The following SPIDR variants were observed in gnomAD, a reference collection of about 807,000 sequenced individuals.
SPIDR encodes the protein DNA repair-scaffolding protein.
SPIDR carries 93 observed loss-of-function variants against 104.6 expected under a neutral mutation model. The ratio of observed to expected loss-of-function variants is 0.89; its 90% CI spans 0.75 to 1.06. The LOEUF is 1.06. Among genes scored for constraint, SPIDR ranks in the 50% least tolerant of loss-of-function variants. The pLI is 0.00. For missense variants in SPIDR, 1,154 were observed against 1,111.2 expected, an observed-to-expected ratio of 1.04 and a Z score of -0.55; for synonymous variants, 431 against 416.9, an observed-to-expected ratio of 1.03 and a Z score of -0.41.
At chr8:47,632,468 A>C (rs2067212833) in intron 10 of SPIDR, among the ~76,000 whole-genome samples, 1 of 152,160 alleles carries the variant, frequency 6.6e-6, no homozygotes, top group Non-Finnish European at 1.5e-5. Context: ...AGGTTTCAAA[A>C]TTTGCAAAAA....
At chr8:47,658,763 C>T (rs866443100) in intron 10 of SPIDR, among the ~76,000 whole-genome samples, 17 of 151,804 alleles carry the variant, frequency 1.1e-4, no homozygotes, top group African/African-American at 4.1e-4. Context: ...AGCGAAACCC[C>T]ATCTCTACTA....
At chr8:47,419,876 A>C (rs1206963658) in intron 7 of SPIDR, among the ~76,000 whole-genome samples, 7 of 151,648 alleles carry the variant, frequency 4.6e-5, no homozygotes, top group Non-Finnish European at 8.8e-5. Flanking sequence ...TTCGTTATGT[A>C]CCCAGTAGTC....
At chr8:47,380,235 G>T (rs1479729060) in intron 5 of SPIDR, among the ~76,000 whole-genome samples, 1 of 152,188 alleles carries the variant, frequency 6.6e-6, no homozygotes, top group Non-Finnish European at 1.5e-5. Flanking sequence ...CTGGCAGAAG[G>T]CTCCCTTGCA....
At chr8:47,401,117 A>G (rs1249181863) in intron 6 of SPIDR, among the ~76,000 whole-genome samples, 1 of 152,218 alleles carries the variant, frequency 6.6e-6, no homozygotes, top group Non-Finnish European at 1.5e-5. Flanking sequence ...AGAGAAGCCC[A>G]TCAGACTAAC....
At chr8:47,659,695 C>T (rs112312808) in intron 10 of SPIDR, 15 of 983,452 alleles carry the variant, frequency 1.5e-5, no homozygotes, top group African/African-American at 8.8e-5. Context: ...GCTCAGGTTC[C>T]AGCCCTCTTC....
At chr8:47,371,100 C>T (rs868941913) in intron 5 of SPIDR, among the ~76,000 whole-genome samples, 8 of 149,094 alleles carry the variant, frequency 5.4e-5, no homozygotes, top group African/African-American at 1.7e-4. Flanking sequence ...CTGTTGATCA[C>T]TTGTGCCTCC....
chr8:47,612,947 A>G (rs2063790805), intron 10 of SPIDR, among the ~76,000 whole-genome samples: 1 of 152,228 alleles, frequency 6.6e-6, no homozygotes, highest in South Asian at 2.1e-4. Flanking sequence ...TGCCTGCTAG[A>G]ACCATGTGAA....
intron 5 of SPIDR, among the ~76,000 whole-genome samples, chr8:47,384,950 GTC>G (rs1181262099): frequency 6.6e-6 from 1 of 152,122 alleles, no homozygotes; most frequent in Non-Finnish European, 1.5e-5. Context: ...CTTCTTGCCA[GTC>G]TCTCTCTTTT....
intron 5 of SPIDR, among the ~76,000 whole-genome samples, chr8:47,366,795 G>T (rs1383992910): frequency 6.6e-6 from 1 of 152,210 alleles, no homozygotes; most frequent in Non-Finnish European, 1.5e-5. Context: ...TGGAGAAATA[G>T]ATTTGGGAGT....
intron 8 of SPIDR, among the ~76,000 whole-genome samples, chr8:47,498,475 C>G (rs978921988): frequency 6.6e-6 from 1 of 152,194 alleles, no homozygotes; most frequent in East Asian, 1.9e-4. Context: ...AGCAGTAATA[C>G]AAAACAATGC....
intron 5 of SPIDR, among the ~76,000 whole-genome samples, chr8:47,321,755 C>CA: frequency 6.6e-6 from 1 of 152,112 alleles, no homozygotes; most frequent in Non-Finnish European, 1.5e-5. Context: ...AGATATAGAA[C>CA]AATGGAACAG....
rs202030595 is a variant in SPIDR, at chr8:47,440,551, G to T, written c.1097+9G>T. 3 of 1,606,738 alleles carry T rather than the reference G, an allele frequency of 1.9e-6. No individual in the cohort carries two copies. The highest frequency in any genetic ancestry group is 2.6e-6 in the Non-Finnish European group (3 of 1,174,986). On this transcript the variant is annotated intron_variant, in intron 8 of 19. Transcript: ENST00000297423. Reference sequence around the variant, plus strand: ...CGGATCTTCCCTCCCTGGTGAGTGCGCAGAACTTAATCCAGCAGTCACCAA... The same window carrying T: ...CGGATCTTCCCTCCCTGGTGAGTGCTCAGAACTTAATCCAGCAGTCACCAA...
chr8:47,731,338 C>T lies in SPIDR; in HGVS notation c.2604+1873C>T, dbSNP rs147373664. Among the ~76,000 whole-genome samples, 100 of 152,278 alleles carry T rather than the reference C, an allele frequency of 6.6e-4. No individual in the cohort carries two copies. In the East Asian group the frequency reaches 0.014, roughly 21 times the overall value. ...TCCTCAGTGACCCCGAGCTCCAGCT[C>T]GGAATTGTCCCCTGAGCTGCTGCAC... On this transcript the variant is annotated intron_variant, in intron 19 of 19. Coordinates refer to ENST00000297423, the MANE Select transcript of SPIDR (RefSeq NM_001080394.4).
chr8:47,672,169 C>T (rs1239464081), intron 10 of SPIDR, among the ~76,000 whole-genome samples: 2 of 152,180 alleles, frequency 1.3e-5, no homozygotes, highest in Non-Finnish European at 2.9e-5. Flanking sequence ...ATACATTGTC[C>T]AGGCTGGTCT....
chr8:47,586,758 G>T (rs1199707535), intron 8 of SPIDR, among the ~76,000 whole-genome samples: 2 of 151,942 alleles, frequency 1.3e-5, no homozygotes, highest in African/African-American at 2.4e-5. Context: ...AGTTTATCAA[G>T]TTTTTTTTGT....
intron 5 of SPIDR, among the ~76,000 whole-genome samples, chr8:47,337,195 A>G (rs2049929189): frequency 6.6e-6 from 1 of 152,036 alleles, no homozygotes; most frequent in Non-Finnish European, 1.5e-5. Context: ...GGGTCTGATG[A>G]TAACTTACGA....
chr8:47,398,666 A>G (rs1179316160), intron 6 of SPIDR, among the ~76,000 whole-genome samples: 1 of 152,186 alleles, frequency 6.6e-6, no homozygotes, highest in Admixed American at 6.5e-5. Context: ...TCTGCAGTCC[A>G]CGGGCAGGCC....
At chr8:47,270,897 A>T (rs1191619070) in intron 1 of SPIDR, among the ~76,000 whole-genome samples, 2 of 151,960 alleles carry the variant, frequency 1.3e-5, no homozygotes, top group East Asian at 1.9e-4. Context: ...TTTAAATTTC[A>T]TTCTATTATT....
At chr8:47,401,848 C>T (rs956583062) in intron 6 of SPIDR, among the ~76,000 whole-genome samples, 1 of 152,136 alleles carries the variant, frequency 6.6e-6, no homozygotes, top group Admixed American at 6.5e-5. Context: ...TCCTTAGAGA[C>T]CTACAAAGAG....
Sources: allele counts gnomAD v4.1 joint callset (sites outside exome capture counted in the v4.1 genomes callset), GRCh38; gene constraint gnomAD v4.1.1; transcripts MANE v1.5; gene names NCBI Gene and HGNC (gene_info 2026-07-23, HGNC 2026-07-21).